Variants in INPP5A observed in about 807,000 individuals in gnomAD.
INPP5A encodes inositol polyphosphate-5-phosphatase A.
INPP5A carries 14 observed loss-of-function variants against 65.2 expected under a neutral mutation model. The observed-to-expected ratio is 0.21, with a 90% confidence interval of 0.14 to 0.34. The LOEUF (loss-of-function observed/expected upper bound fraction) is 0.34. Ranked by LOEUF, INPP5A falls within the 10% of genes least tolerant of loss-of-function variation. INPP5A has a pLI of 1.00. For missense variants in INPP5A, 431 were observed against 545.6 expected (o/e 0.79, Z 2.09); for synonymous variants, 207 against 208.3 (o/e 0.99, Z 0.05).
intron 11 of INPP5A, among the ~76,000 whole-genome samples, chr10:132,757,170 G>A (rs140145179): frequency 2.6e-5 from 4 of 152,252 alleles, no homozygotes; most frequent in East Asian, 3.9e-4. Flanking sequence ...TACTCTTAGC[G>A]TCTCAGCGTT....
intron 2 of INPP5A, among the ~76,000 whole-genome samples, chr10:132,634,864 G>A (rs1214116036): frequency 6.6e-6 from 1 of 152,254 alleles, no homozygotes. Flanking sequence ...CTCATGGCTG[G>A]TGTGGTGTGT....
Position 132,675,302 on chromosome 10 carries a change from G to A in INPP5A, c.307-15090G>A, listed in dbSNP as rs114329388. Among the ~76,000 whole-genome samples, 1,360 of 152,230 alleles carry A rather than the reference G, an allele frequency of 8.9e-3. 18 individuals are homozygous for A. Among genetic ancestry groups the A allele is most frequent in the African/African-American group, 0.031 (1,299 of 41,530 alleles). On this transcript the variant is annotated intron_variant, in intron 4 of 15. Transcript: ENST00000368594. This position sits in a 1 kb window ranked among gnomAD's most constrained non-coding sequence, Gnocchi z 4.2. ...GAAATGTCAGCATAGGGTCTTACCCGGCAAAACATCTCCTAAGATTGAAGG... is the reference window on the plus strand; with the variant it reads ...GAAATGTCAGCATAGGGTCTTACCCAGCAAAACATCTCCTAAGATTGAAGG...
chr10:132,636,383 G>C lies in INPP5A; in HGVS notation c.118-9485G>C, dbSNP rs73401229. ...TAAGGGTACAGTGTGCACACGATTC[G>C]AGTGGTGGTTACACTGAAAGCCCTG... On this transcript the variant is annotated intron_variant, in intron 2 of 15. Coordinates refer to ENST00000368594, the MANE Select transcript of INPP5A (RefSeq NM_005539.5). Among the ~76,000 whole-genome samples, 433 of 152,300 alleles carry C rather than the reference G, an allele frequency of 2.8e-3. 2 individuals carry two copies. Among genetic ancestry groups the C allele is most frequent in the African/African-American group, 1.0e-2 (414 of 41,562 alleles).
chr10:132,755,181 G>C (rs1376970374), intron 11 of INPP5A, among the ~76,000 whole-genome samples: 1 of 152,144 alleles, frequency 6.6e-6, no homozygotes, highest in Admixed American at 6.5e-5. Flanking sequence ...GTGAGCATGT[G>C]TGAGAGCAGG....
At chr10:132,699,886 G>C (rs751408050) in intron 6 of INPP5A, among the ~76,000 whole-genome samples, 1 of 152,196 alleles carries the variant, frequency 6.6e-6, no homozygotes, top group Non-Finnish European at 1.5e-5. Context: ...CCGGGGCCCA[G>C]ACTGAAGTTG....
chr10:132,713,462 G>T (rs1386802968), intron 8 of INPP5A, among the ~76,000 whole-genome samples: 1 of 152,104 alleles, frequency 6.6e-6, no homozygotes, highest in African/African-American at 2.4e-5. Context: ...TCCCCACAGG[G>T]CTCTGCACAA....
Position 132,782,119 on chromosome 10 carries a change from T to C in INPP5A, c.*90T>C, listed in dbSNP as rs1283006684. The C allele has an allele frequency of 7.2e-6, 11 of 1,532,380 alleles. No homozygotes were observed. The highest frequency in any genetic ancestry group is 1.4e-5 in the African/African-American group (1 of 72,650). 94.9% of individuals were successfully genotyped at this position (1,532,380 alleles called of 1,614,324 possible). The stretch of plus-strand genomic sequence containing the variant: ...CGAATACGCACTCTTGAAAGCTGCA[T>C]CGAGAACCCGCCCAAGCGCCACCTG... On this transcript the variant is annotated 3_prime_UTR_variant, in exon 16 of 16. Coordinates refer to ENST00000368594, the MANE Select transcript of INPP5A (RefSeq NM_005539.5). This position sits in a 1 kb window ranked among gnomAD's most constrained non-coding sequence, Gnocchi z 4.4.
At chr10:132,755,579 AGT>A (rs1015783179) in intron 11 of INPP5A, among the ~76,000 whole-genome samples, 10 of 135,502 alleles carry the variant, frequency 7.4e-5, no homozygotes, top group South Asian at 2.5e-4. Context: ...GGTGTGAGCG[AGT>A]GTGTGTGAGC....
At chr10:132,628,711 A>G (rs567015337) in intron 2 of INPP5A, among the ~76,000 whole-genome samples, 1 of 152,356 alleles carries the variant, frequency 6.6e-6, no homozygotes, top group East Asian at 1.9e-4. Context: ...CAATTTTTAT[A>G]AAGAACTCTT....
At chr10:132,671,725 C>T (rs2072895137) in intron 4 of INPP5A, among the ~76,000 whole-genome samples, 1 of 152,194 alleles carries the variant, frequency 6.6e-6, no homozygotes, top group African/African-American at 2.4e-5. Flanking sequence ...CATGTGCCAC[C>T]CATGCAGGGA....
Position 132,546,447 on chromosome 10 carries a change from G to A in INPP5A, c.75+8276G>A, listed in dbSNP as rs868758559. ...TGGTGGGTCTCGGTGACCTTGAGCCGGTTGTCTTCTTGATCCTTCTCTCCG... is the reference window on the plus strand; with the variant it reads ...TGGTGGGTCTCGGTGACCTTGAGCCAGTTGTCTTCTTGATCCTTCTCTCCG... On this transcript the variant is annotated intron_variant, in intron 1 of 15. Coordinates refer to ENST00000368594, the MANE Select transcript of INPP5A (RefSeq NM_005539.5). The surrounding 1 kb of genome is among the most constrained non-coding windows in gnomAD (Gnocchi z 5.7). Among the ~76,000 whole-genome samples the A allele has an allele frequency of 2.6e-5, 4 of 151,864 alleles. No homozygotes were observed. Among genetic ancestry groups the A allele is most frequent in the Admixed American group, 6.6e-5 (1 of 15,260 alleles).
Position 132,674,210 on chromosome 10 carries a change from T to G in INPP5A, c.307-16182T>G, listed in dbSNP as rs897618571. 2.0e-5 allele frequency among the ~76,000 whole-genome samples: 3 copies of G among 152,228 alleles called. No homozygotes were observed. The highest frequency in any genetic ancestry group is 4.8e-5 in the African/African-American group (2 of 41,450). ...TCCACATACCTCTTCCCCAGATTTC[T>G]TTGTCACAATTTTCCAATCATGCTT... On this transcript the variant is annotated intron_variant, in intron 4 of 15. Coordinates refer to ENST00000368594, the MANE Select transcript of INPP5A (RefSeq NM_005539.5). This position sits in a 1 kb window ranked among gnomAD's most constrained non-coding sequence, Gnocchi z 4.4.
chr10:132,715,014 G>C (rs971550871), intron 8 of INPP5A, among the ~76,000 whole-genome samples: 19 of 152,324 alleles, frequency 1.2e-4, no homozygotes, highest in African/African-American at 4.3e-4. Flanking sequence ...GGGTGAGGCC[G>C]GGCCGTGCAC....
chr10:132,710,200 C>A, intron 7 of INPP5A, 137 bp from the exon 8 acceptor site: 1 of 894,654 alleles, frequency 1.1e-6, no homozygotes, highest in Non-Finnish European at 1.7e-6. Flanking sequence ...GGTGGGTGGA[C>A]AGGTGCCCCG....
At chr10:132,765,892 C>A (rs116379367) in intron 12 of INPP5A, 46 bp downstream of exon 12, 9 of 1,092,370 alleles carry the variant, frequency 8.2e-6, no homozygotes, top group Non-Finnish European at 1.3e-5. Flanking sequence ...GGGAAGGTGG[C>A]GTCTCCACCC....
chr10:132,713,165 GGT>G (rs762876711), intron 8 of INPP5A, among the ~76,000 whole-genome samples: 102 of 151,814 alleles, frequency 6.7e-4, no homozygotes, highest in African/African-American at 2.1e-3. Flanking sequence ...TGTGTGTGCG[GGT>G]GTGTGTGCAT....
At chr10:132,613,318 C>T (rs976229135) in intron 2 of INPP5A, among the ~76,000 whole-genome samples, 11 of 148,578 alleles carry the variant, frequency 7.4e-5, no homozygotes, top group African/African-American at 2.7e-4. Context: ...CGCAGGGCCC[C>T]CTCCTTCCCG....
In INPP5A at chr10:132,650,425, T is replaced by C. The variant is rs1294985328; in HGVS notation, c.226T>C (p.Leu76=). The change falls in exon 4 of 16, where the codon TTG becomes CTG. Residue 76 remains leucine (L), a synonymous_variant. Coordinates refer to ENST00000368594, the MANE Select transcript of INPP5A (RefSeq NM_005539.5). The surrounding 1 kb of genome is among the most constrained non-coding windows in gnomAD (Gnocchi z 5.5). ...CTACTTTCTTCCTTCCAGAGAACTA[T>C]TGTCGAGTGATGCGATGAAAGAATA... ...SHVDKFVKEL[L]SSDAMKEYNR... 1.9e-6 allele frequency: 3 copies of C among 1,612,766 alleles called. No individual in the cohort carries two copies. In the Admixed American group the frequency reaches 5.0e-5, roughly 27 times the overall value.
At chr10:132,766,955 G>GT (rs1201003454) in intron 12 of INPP5A, among the ~76,000 whole-genome samples, 51 of 147,204 alleles carry the variant, frequency 3.5e-4, no homozygotes, top group African/African-American at 1.2e-3. Context: ...GAGCTTGGGT[G>GT]GGAGTTGGAG....
Sources: allele counts gnomAD v4.1 joint callset (sites outside exome capture counted in the v4.1 genomes callset), GRCh38; gene constraint gnomAD v4.1.1; non-coding constraint Gnocchi (gnomAD v3.1); transcripts MANE v1.5; gene names NCBI Gene and HGNC (gene_info 2026-07-23, HGNC 2026-07-21).